OLFM3: variants seen among roughly 807,000 people sequenced by gnomAD.
The protein encoded by OLFM3 is olfactomedin 3.
In OLFM3, 20 loss-of-function variants were observed where a neutral mutation model predicts 48.6. That is an observed-to-expected ratio of 0.41 (90% CI 0.29 to 0.60). The LOEUF (loss-of-function observed/expected upper bound fraction) is 0.60, where lower values mean the gene tolerates loss of function less well. Ranked by LOEUF, OLFM3 falls within the 20% of genes least tolerant of loss-of-function variation. The pLI is 0.28. For missense variants in OLFM3, 437 were observed against 544.3 expected (o/e 0.80, Z 1.96); for synonymous variants, 222 against 198.1 (o/e 1.12, Z -1.01).
At chr1:101,899,183 C>T (rs769338598) in intron 1 of OLFM3, among the ~76,000 whole-genome samples, 1 of 152,110 alleles carries the variant, frequency 6.6e-6, no homozygotes, top group Non-Finnish European at 1.5e-5. Flanking sequence ...TGGGGACGAT[C>T]GGCTTTTAAA....
At chr1:101,926,753 G>T (rs1028303660) in intron 1 of OLFM3, among the ~76,000 whole-genome samples, 4 of 152,090 alleles carry the variant, frequency 2.6e-5, no homozygotes, top group Non-Finnish European at 5.9e-5. Context: ...CTATTACGAT[G>T]AATTATAAAA....
At chr1:101,879,269 T>C (rs1657423771) in intron 1 of OLFM3, among the ~76,000 whole-genome samples, 1 of 151,900 alleles carries the variant, frequency 6.6e-6, no homozygotes, top group Non-Finnish European at 1.5e-5. Context: ...ATTATTTATA[T>C]GTGCTACTGA....
At chr1:101,827,596 C>G (rs936574962) in intron 3 of OLFM3, among the ~76,000 whole-genome samples, 2 of 152,076 alleles carry the variant, frequency 1.3e-5, no homozygotes, top group Admixed American at 6.5e-5. Context: ...ATAGTACTAG[C>G]ACCTAGAACA....
At chr1:101,911,261 G>A (rs1356194706) in intron 1 of OLFM3, among the ~76,000 whole-genome samples, 1 of 152,052 alleles carries the variant, frequency 6.6e-6, no homozygotes, top group Non-Finnish European at 1.5e-5. Flanking sequence ...GGAAGGAAGG[G>A]TAGCAGAATA....
intron 1 of OLFM3, among the ~76,000 whole-genome samples, chr1:101,932,832 A>G (rs994673400): frequency 4.6e-5 from 7 of 152,150 alleles, no homozygotes; most frequent in African/African-American, 1.7e-4. Context: ...TAGAACTCAT[A>G]ATATGGATAG....
chr1:101,810,597 G>A (rs2100868061), intron 4 of OLFM3, among the ~76,000 whole-genome samples: 1 of 151,944 alleles, frequency 6.6e-6, no homozygotes, highest in Admixed American at 6.6e-5. Context: ...ATCATTTCCA[G>A]GTTTTACATG....
At chr1:101,820,262 A>C (rs1654545398) in intron 4 of OLFM3, among the ~76,000 whole-genome samples, 1 of 152,090 alleles carries the variant, frequency 6.6e-6, no homozygotes, top group Non-Finnish European at 1.5e-5. Context: ...ATAGAACCTA[A>C]TGCTTCACTA....
chr1:101,807,962 A>G (rs1653859178), intron 4 of OLFM3, among the ~76,000 whole-genome samples: 1 of 151,794 alleles, frequency 6.6e-6, no homozygotes, highest in Non-Finnish European at 1.5e-5. Context: ...CATATTCTGA[A>G]TGGTTCTAGT....
At chr1:101,925,130 A>G (rs1274449997) in intron 1 of OLFM3, among the ~76,000 whole-genome samples, 2 of 152,222 alleles carry the variant, frequency 1.3e-5, no homozygotes, top group Non-Finnish European at 2.9e-5. Context: ...TTCATAAAAC[A>G]TGGCCTGCTT....
At chr1:101,871,925 G>A (rs1307493438) in intron 1 of OLFM3, among the ~76,000 whole-genome samples, 1 of 151,986 alleles carries the variant, frequency 6.6e-6, no homozygotes, top group Non-Finnish European at 1.5e-5. Flanking sequence ...ATAATATGAT[G>A]AACGTTGTCA....
At chr1:101,860,166 AT>A (rs1223942504) in intron 1 of OLFM3, among the ~76,000 whole-genome samples, 5 of 152,168 alleles carry the variant, frequency 3.3e-5, no homozygotes, top group African/African-American at 1.2e-4. Flanking sequence ...CATGCTTCTT[AT>A]CAAGAAAGGG....
intron 1 of OLFM3, among the ~76,000 whole-genome samples, chr1:101,895,879 ATTAC>A (rs1658180552): frequency 6.6e-6 from 1 of 151,934 alleles, no homozygotes; most frequent in South Asian, 2.1e-4. Context: ...TATTACTTTT[ATTAC>A]TTACTCTGGT....
At chr1:101,899,690 AT>A (rs1658327673) in intron 1 of OLFM3, among the ~76,000 whole-genome samples, 1 of 152,208 alleles carries the variant, frequency 6.6e-6, no homozygotes, top group Non-Finnish European at 1.5e-5. Flanking sequence ...AAGACAAAAA[AT>A]TCTAAACATT....
intron 1 of OLFM3, among the ~76,000 whole-genome samples, chr1:101,984,757 A>G (rs1047124872): frequency 2.6e-5 from 4 of 152,144 alleles, no homozygotes; most frequent in African/African-American, 9.7e-5. Context: ...CCACACTGTA[A>G]TTTATGTCTA....
At chr1:101,968,053 C>T (rs1317418740) in intron 1 of OLFM3, among the ~76,000 whole-genome samples, 1 of 152,192 alleles carries the variant, frequency 6.6e-6, no homozygotes, top group African/African-American at 2.4e-5. Flanking sequence ...CTTGACCTAA[C>T]AGTAGTTCCA....
At chr1:101,845,302 A>C (rs1414333443) in intron 1 of OLFM3, among the ~76,000 whole-genome samples, 1 of 152,150 alleles carries the variant, frequency 6.6e-6, no homozygotes. Flanking sequence ...TCAGTAAGTA[A>C]AGATATTTAA....
intron 1 of OLFM3, among the ~76,000 whole-genome samples, chr1:101,891,657 C>T (rs1401645680): frequency 6.6e-6 from 1 of 151,674 alleles, no homozygotes; most frequent in African/African-American, 2.4e-5. Context: ...ATTAGATTAT[C>T]TACAGTAATG....
At chr1:101,891,630 A>C (rs1391544164) in intron 1 of OLFM3, among the ~76,000 whole-genome samples, 7 of 152,040 alleles carry the variant, frequency 4.6e-5, no homozygotes, top group Non-Finnish European at 1.0e-4. Context: ...AAACATTAAA[A>C]ACTAGTAATT....
intron 4 of OLFM3, among the ~76,000 whole-genome samples, chr1:101,815,454 G>GAA (rs71088110): frequency 7.8e-6 from 1 of 128,084 alleles, no homozygotes; most frequent in African/African-American, 2.8e-5. Flanking sequence ...CTCAAAAAAA[G>GAA]AAAAAAAAAA....
Sources: gnomAD v4.1 joint callset for allele counts (sites outside exome capture counted in the v4.1 genomes callset) on GRCh38, gnomAD v4.1.1 for gene constraint, MANE v1.5 for transcripts, NCBI Gene and HGNC (gene_info 2026-07-23, HGNC 2026-07-21) for gene names.